The following RBFOX2 variants were observed in gnomAD, a reference collection of about 807,000 sequenced individuals.
The protein encoded by RBFOX2 is RNA binding protein fox-1 homolog 2.
Under a neutral mutation model 49.1 loss-of-function variants are expected in RBFOX2, and 10 were observed. The observed-to-expected ratio is 0.20, with a 90% CI of 0.13 to 0.35. The LOEUF is 0.35. Among genes scored for constraint, RBFOX2 ranks in the 10% least tolerant of loss-of-function variants. The probability of loss-of-function intolerance (pLI) is 1.00; values close to 1 mark genes in which losing one functional copy is unlikely to be tolerated. For missense variants in RBFOX2, 323 were observed against 486.9 expected (o/e 0.66, Z 3.17); for synonymous variants, 183 against 187.4 (o/e 0.98, Z 0.19).
rs575513313 is a variant in RBFOX2 at position 35,922,008 on chromosome 22, T to C, written c.-34+16839A>G. 6.6e-5 allele frequency among the ~76,000 whole-genome samples: 10 copies of C among 152,254 alleles called. No individual in the cohort carries two copies. In the East Asian group the frequency reaches 1.7e-3, roughly 26 times the overall value. On this transcript the variant is annotated intron_variant, in intron 1 of 13. Transcript: ENST00000359369. ...TCAGACTTGAGGCAAGGTTTCCAGT[T>C]AGAAAATTTTCCTAAGCCCATATGT...
intron 2 of RBFOX2, among the ~76,000 whole-genome samples, chr22:35,785,422 A>G (rs2147270107): frequency 6.6e-6 from 1 of 152,292 alleles, no homozygotes; most frequent in African/African-American, 2.4e-5. Context: ...CTTTTAAAAC[A>G]GGAGTGGAAC....
intron 1 of RBFOX2, among the ~76,000 whole-genome samples, chr22:35,910,755 C>A (rs1358398320): frequency 6.6e-6 from 1 of 152,166 alleles, no homozygotes; most frequent in African/African-American, 2.4e-5. Context: ...CGGAAAAAAA[C>A]TGAAATAACA....
At position 35,945,532 on chromosome 22, in the gene RBFOX2, G is replaced by A. The variant is rs951689447; in HGVS notation, c.43-6635C>T. ...CATGGCTCATTGCAGCCTCGACCTC[G>A]CAGACCCAAGCGATCCTCCTATCCC... On this transcript the variant is annotated intron_variant, in intron 1 of 5. Coordinates refer to the RBFOX2 transcript ENST00000408983. Among the ~76,000 whole-genome samples, 18 of 152,048 alleles carry A rather than the reference G, an allele frequency of 1.2e-4. No homozygotes were observed. The East Asian group carries it at 2.3e-3, about 20-fold the overall frequency.
At chr22:35,892,787 C>T (rs1444450680) in intron 1 of RBFOX2, among the ~76,000 whole-genome samples, 1 of 152,188 alleles carries the variant, frequency 6.6e-6, no homozygotes, top group Non-Finnish European at 1.5e-5. Flanking sequence ...ATTTCAGAAT[C>T]AGAAGAGGTT....
chr22:35,912,239 T>G (rs1169533608), intron 1 of RBFOX2, among the ~76,000 whole-genome samples: 1 of 152,226 alleles, frequency 6.6e-6, no homozygotes. Flanking sequence ...ACATAAAGTG[T>G]GGCAGAGCTA....
intron 1 of RBFOX2, among the ~76,000 whole-genome samples, chr22:35,862,485 CA>C (rs2043206999): frequency 6.6e-6 from 1 of 152,056 alleles, no homozygotes. Context: ...TCCTTCTGAT[CA>C]GTCTAGATTA....
rs549636175 is a variant in RBFOX2 at position 35,809,975 on chromosome 22, G to A, written c.57C>T (p.Asp19=). 5.7e-5 allele frequency: 92 copies of A among 1,614,130 alleles called. 2 individuals are homozygous for A. In the South Asian group the frequency reaches 6.3e-4, roughly 11 times the overall value. The change falls in exon 2 of 12, where the codon GAC becomes GAT. Residue 19 remains aspartate (D), a synonymous_variant. Coordinates refer to ENST00000405409, the Ensembl canonical transcript of RBFOX2. ...TGGTAGTAAAAGGCTGAACCATTGC[G>A]TCAGGAGTTGTTGTCGGCTCCTGGT...
At chr22:35,931,128 T>G (rs1368061263) in intron 1 of RBFOX2, among the ~76,000 whole-genome samples, 1 of 151,964 alleles carries the variant, frequency 6.6e-6, no homozygotes, top group African/African-American at 2.4e-5. Flanking sequence ...CTAGAGGGTG[T>G]AAGGACAACA....
intron 1 of RBFOX2, among the ~76,000 whole-genome samples, chr22:35,886,065 C>G (rs898569754): frequency 3.3e-5 from 5 of 151,692 alleles, no homozygotes; most frequent in African/African-American, 4.8e-5. Flanking sequence ...ACCATGTTAG[C>G]CAGGATGGTC....
intron 1 of RBFOX2, among the ~76,000 whole-genome samples, chr22:35,982,561 G>C (rs894433283): frequency 6.6e-6 from 1 of 152,044 alleles, no homozygotes; most frequent in African/African-American, 2.4e-5. Flanking sequence ...CATTTGCTGG[G>C]GTGATTACAA....
intron 1 of RBFOX2, among the ~76,000 whole-genome samples, chr22:35,866,173 CT>C (rs2043658281): frequency 6.6e-6 from 1 of 152,114 alleles, no homozygotes; most frequent in Admixed American, 6.5e-5. Context: ...TAACAAAAGA[CT>C]TTTGGGGGTA....
At chr22:35,775,597 T>C (rs1373541224) in intron 4 of RBFOX2, among the ~76,000 whole-genome samples, 1 of 151,866 alleles carries the variant, frequency 6.6e-6, no homozygotes, top group Non-Finnish European at 1.5e-5. Context: ...CCCAGCACTG[T>C]GGGAAGCCAA....
chr22:35,758,795 T>C lies in RBFOX2; in HGVS notation c.887+1093A>G, dbSNP rs528971761. ...TTTTAACTCTGTGGAATGGAGAACT[T>C]CTAATGGTACATCCATTTGGTCTAT... On this transcript the variant is annotated intron_variant, in intron 9 of 11. Transcript: ENST00000405409. Among the ~76,000 whole-genome samples, 4 of 152,250 alleles carry C rather than the reference T, an allele frequency of 2.6e-5. No individual in the cohort carries two copies. The South Asian group carries it at 8.3e-4, about 32-fold the overall frequency.
At chr22:35,970,004 A>G (rs961526751) in intron 1 of RBFOX2, among the ~76,000 whole-genome samples, 1 of 152,340 alleles carries the variant, frequency 6.6e-6, no homozygotes, top group Non-Finnish European at 1.5e-5. Context: ...TACCTGGCAA[A>G]TAAGAGCCAC....
chr22:35,746,880 G>A (rs1187078100), intron 9 of RBFOX2: 1 of 236,186 alleles, frequency 4.2e-6, no homozygotes, highest in Non-Finnish European at 8.1e-6. Context: ...AGTCTTTGTT[G>A]GAACTTTCAA....
At chr22:35,746,229 A>G (rs550024029) in intron 10 of RBFOX2, among the ~76,000 whole-genome samples, 8 of 152,358 alleles carry the variant, frequency 5.3e-5, no homozygotes, top group African/African-American at 1.7e-4. Context: ...GATGAGGAAG[A>G]GAGGGACTGG....
chr22:35,901,562 G>A (rs2048577393), intron 1 of RBFOX2, among the ~76,000 whole-genome samples: 1 of 152,088 alleles, frequency 6.6e-6, no homozygotes, highest in African/African-American at 2.4e-5. Flanking sequence ...CTTGTGCACT[G>A]GCCAAAACAC....
intron 1 of RBFOX2, among the ~76,000 whole-genome samples, chr22:35,983,318 C>G (rs1210952469): frequency 6.6e-6 from 1 of 152,164 alleles, no homozygotes; most frequent in Non-Finnish European, 1.5e-5. Context: ...GGCATCTGCT[C>G]TTGAACCTTC....
At chr22:35,827,550 G>T (rs748237251) in intron 1 of RBFOX2, among the ~76,000 whole-genome samples, 1 of 152,094 alleles carries the variant, frequency 6.6e-6, no homozygotes, top group Non-Finnish European at 1.5e-5. Context: ...ATAATGTCTT[G>T]TATAACGCAT....
Sources: allele counts gnomAD v4.1 joint callset (sites outside exome capture counted in the v4.1 genomes callset), GRCh38; gene constraint gnomAD v4.1.1; transcripts MANE v1.5; gene names NCBI Gene and HGNC (gene_info 2026-07-23, HGNC 2026-07-21).